Variants in SPIC observed in about 807,000 individuals in gnomAD.
The protein encoded by SPIC is transcription factor Spi-C.
In SPIC, 9 loss-of-function variants were observed where a neutral mutation model predicts 16.7. The ratio of observed to expected loss-of-function variants is 0.54; its 90% CI spans 0.33 to 0.94. The LOEUF (loss-of-function observed/expected upper bound fraction) is 0.94. Ranked by LOEUF, SPIC falls within the 40% of genes least tolerant of loss-of-function variation. The pLI, the probability that SPIC is intolerant of heterozygous loss-of-function variation, is 0.03. For synonymous variants in SPIC, 97 were observed against 102.9 expected (o/e 0.94, Z 0.35); for missense variants, 241 against 285.8 (o/e 0.84, Z 1.13).
chr12:101,486,555 A>G lies in SPIC; in HGVS notation c.531A>G (p.Gly177=). Reference sequence around the variant, plus strand: ...TGGCCAGGGCACTCAGAAATTACGGAAGAAGTGGGGAAATTACCAAAATCC... The same window carrying G: ...TGGCCAGGGCACTCAGAAATTACGGGAGAAGTGGGGAAATTACCAAAATCC... The part of the protein sequence containing the change: ...QKMARALRNY[G]RSGEITKIRR... Residue 177 remains glycine, a synonymous_variant, in exon 6 of 6, where the codon GGA becomes GGG. Coordinates refer to ENST00000551346, the MANE Select transcript of SPIC (RefSeq NM_152323.3). 1 of 1,614,146 alleles carries G rather than the reference A, an allele frequency of 6.2e-7. No individual in the cohort carries two copies. The highest frequency in any genetic ancestry group is 8.5e-7 in the Non-Finnish European group (1 of 1,180,032).
intron 3 of SPIC, 132 bp from the exon 4 acceptor site, chr12:101,479,450 G>A (rs2121250286): frequency 3.2e-6 from 2 of 626,042 alleles, no homozygotes; most frequent in Non-Finnish European, 5.5e-6. Context: ...AAACACCACA[G>A]GAGAAGTGCA....
At chr12:101,483,505 G>C (rs1355405089) in intron 5 of SPIC, among the ~76,000 whole-genome samples, 3 of 152,074 alleles carry the variant, frequency 2.0e-5, no homozygotes, top group Non-Finnish European at 4.4e-5. Flanking sequence ...TTGTTTTACA[G>C]TTAAATTTAA....
intron 1 of SPIC, among the ~76,000 whole-genome samples, chr12:101,475,872 G>A (rs1306458967): frequency 6.6e-6 from 1 of 151,966 alleles, no homozygotes; most frequent in Non-Finnish European, 1.5e-5. Context: ...GTGATTTCTG[G>A]ATTTTCTTCT....
At chr12:101,480,926 A>G (rs988818779) in intron 4 of SPIC, among the ~76,000 whole-genome samples, 4 of 152,196 alleles carry the variant, frequency 2.6e-5, no homozygotes, top group African/African-American at 9.7e-5. Context: ...AAGATGCCCA[A>G]TATTTTGTTT....
At chr12:101,479,451 G>A in intron 3 of SPIC, 131 bp from the exon 4 acceptor site, 1 of 627,572 alleles carries the variant, frequency 1.6e-6, no homozygotes, top group Non-Finnish European at 2.8e-6. Context: ...AACACCACAG[G>A]AGAAGTGCAA....
At position 101,475,484 on chromosome 12, in the gene SPIC, G is replaced by A. The variant is rs1872930140; in HGVS notation, c.-96G>A. The A allele has an allele frequency of 6.6e-6, 1 of 151,990 alleles. No individual in the cohort carries two copies. Among genetic ancestry groups the A allele is most frequent in the South Asian group, 2.1e-4 (1 of 4,816 alleles). 9.4% of individuals were successfully genotyped at this position (151,990 alleles called of 1,614,324 possible). A position where few individuals can be genotyped will look rare whatever the true frequency, so the allele number is the denominator to read the frequency against. On this transcript the variant is annotated 5_prime_UTR_variant, in exon 1 of 6. Transcript: ENST00000551346. ...GATATTAATGAAACATCTCTATAAA[G>A]GGTTGAAGTGTCTTCCCGGTAAGTT... is the stretch of plus-strand genomic sequence containing the variant.
intron 1 of SPIC, among the ~76,000 whole-genome samples, chr12:101,475,847 A>G (rs1287102505): frequency 6.6e-6 from 1 of 152,164 alleles, no homozygotes; most frequent in Non-Finnish European, 1.5e-5. Flanking sequence ...TTCACTAAAG[A>G]CCATGAGCCG....
chr12:101,475,820 A>G (rs1025034064), intron 1 of SPIC, among the ~76,000 whole-genome samples: 1 of 152,164 alleles, frequency 6.6e-6, no homozygotes, highest in Non-Finnish European at 1.5e-5. Flanking sequence ...TTTAAAAAAT[A>G]TGTGCTACTG....
At chr12:101,485,135 G>C (rs901922785) in intron 5 of SPIC, among the ~76,000 whole-genome samples, 1 of 152,188 alleles carries the variant, frequency 6.6e-6, no homozygotes, top group Non-Finnish European at 1.5e-5. Flanking sequence ...CATCATGCAA[G>C]AGTATTATTC....
At chr12:101,480,939 TA>T (rs1290550581) in intron 4 of SPIC, among the ~76,000 whole-genome samples, 2 of 152,260 alleles carry the variant, frequency 1.3e-5, no homozygotes, top group Non-Finnish European at 2.9e-5. Context: ...TTTTGTTTGC[TA>T]AATCTGGCAA....
intron 2 of SPIC, among the ~76,000 whole-genome samples, chr12:101,477,222 T>G (rs991519673): frequency 5.9e-5 from 9 of 152,238 alleles, no homozygotes; most frequent in Non-Finnish European, 1.0e-4. Flanking sequence ...TACTGTACTA[T>G]AGAATGAATA....
chr12:101,485,468 T>C (rs901852032), intron 5 of SPIC, among the ~76,000 whole-genome samples: 5 of 152,340 alleles, frequency 3.3e-5, no homozygotes, highest in Non-Finnish European at 5.9e-5. Context: ...GCCCATTGCA[T>C]TGTTAAATGA....
intron 4 of SPIC, among the ~76,000 whole-genome samples, chr12:101,481,841 C>T (rs1415774285): frequency 1.3e-5 from 2 of 150,066 alleles, no homozygotes; most frequent in African/African-American, 4.9e-5. Flanking sequence ...TTAGTAGAGA[C>T]GGGGTTTCAC....
chr12:101,478,327 G>A (rs1020281155), intron 3 of SPIC, among the ~76,000 whole-genome samples: 6 of 151,850 alleles, frequency 4.0e-5, no homozygotes, highest in African/African-American at 9.7e-5. Context: ...CACTGTGCCC[G>A]GTGACCTTTT....
Position 101,484,961 on chromosome 12 carries a change from A to C in SPIC, c.320-1383A>C, listed in dbSNP as rs1043999388. Reference sequence around the variant, plus strand: ...ATGATGATCCATTAAGACCAATTTGATCACTGAATGAGAGACAGAGGAGTT... The same window carrying C: ...ATGATGATCCATTAAGACCAATTTGCTCACTGAATGAGAGACAGAGGAGTT... On this transcript the variant is annotated intron_variant, in intron 5 of 5. Transcript: ENST00000551346. Among the ~76,000 whole-genome samples the C allele has an allele frequency of 2.0e-5, 3 of 152,216 alleles. No individual in the cohort carries two copies. In the East Asian group the frequency reaches 5.8e-4, roughly 29 times the overall value.
intron 3 of SPIC, among the ~76,000 whole-genome samples, chr12:101,479,212 G>C (rs1160189542): frequency 8.3e-6 from 1 of 119,908 alleles, no homozygotes; most frequent in Non-Finnish European, 1.8e-5. Flanking sequence ...AAGAAAGAAA[G>C]AAAGAAAGAA....
Position 101,486,599 on chromosome 12 carries a change from A to G in SPIC, c.575A>G (p.Gln192Arg), listed in dbSNP as rs528801883. Reference sequence around the variant, plus strand: ...AAAATCCGGAGGAAGCTGACTTACCAGTTCAGTGAGGCCATTCTCCAAAGA... The same window carrying G: ...AAAATCCGGAGGAAGCTGACTTACCGGTTCAGTGAGGCCATTCTCCAAAGA... The part of the protein sequence containing the change: ...ITKIRRKLTY[Q>R]FSEAILQRLS... Residue 192 changes from glutamine (Q) to arginine (R), a missense_variant, in exon 6 of 6, where the codon CAG (glutamine) becomes CGG (arginine). By Grantham distance (43) the Gln-to-Arg change is conservative. Coordinates refer to ENST00000551346, the MANE Select transcript of SPIC (RefSeq NM_152323.3). The G allele has an allele frequency of 3.1e-6, 5 of 1,614,096 alleles. No individual in the cohort carries two copies. In the East Asian group the frequency reaches 8.9e-5, roughly 29 times the overall value.
intron 4 of SPIC, 71 bp from the exon 5 acceptor site, chr12:101,482,721 T>G (rs988168290): frequency 1.4e-6 from 2 of 1,435,834 alleles, no homozygotes; most frequent in Non-Finnish European, 1.9e-6. Context: ...TCCCCTAACT[T>G]TTGACTTCAG....
At chr12:101,479,557 GTTTC>G (rs753396178) in intron 3 of SPIC, 21 bp from the exon 4 acceptor site, 1 of 1,587,958 alleles carries the variant, frequency 6.3e-7, no homozygotes, top group African/African-American at 1.3e-5. Flanking sequence ...GACTTTTTTA[GTTTC>G]TTTCTCTGAT....
Sources: gnomAD v4.1 joint callset for allele counts (sites outside exome capture counted in the v4.1 genomes callset) on GRCh38, gnomAD v4.1.1 for gene constraint, MANE v1.5 for transcripts, NCBI Gene and HGNC (gene_info 2026-07-23, HGNC 2026-07-21) for gene names.